GTF2E2: variants seen among roughly 807,000 people sequenced by gnomAD.
GTF2E2 encodes the protein general transcription factor IIE subunit 2.
In GTF2E2, 21 loss-of-function variants were observed where a neutral mutation model predicts 40.5. That is an observed-to-expected ratio of 0.52 (90% confidence interval 0.37 to 0.75). GTF2E2 has a LOEUF of 0.75. Ranked by LOEUF, GTF2E2 falls within the 30% of genes least tolerant of loss-of-function variation. The pLI, the probability that GTF2E2 is intolerant of heterozygous loss-of-function variation, is 0.00. For synonymous variants in GTF2E2, 117 were observed against 121.6 expected, an observed-to-expected ratio of 0.96 and a Z score of 0.25; for missense variants, 298 against 338.4, an observed-to-expected ratio of 0.88 and a Z score of 0.94.
At chr8:30,621,991 A>G (rs1328849386) in intron 3 of GTF2E2, among the ~76,000 whole-genome samples, 1 of 151,438 alleles carries the variant, frequency 6.6e-6, no homozygotes, top group Non-Finnish European at 1.5e-5. Flanking sequence ...TTTTTATTAT[A>G]CTTTAAAGTT....
chr8:30,580,244 G>T (rs1031677445), intron 7 of GTF2E2, 37 bp downstream of exon 7: 9 of 1,122,556 alleles, frequency 8.0e-6, no homozygotes, highest in Non-Finnish European at 1.2e-5. Context: ...CAGTTCCCAG[G>T]GCAGGGGATT....
At chr8:30,628,960 A>C (rs1262240595) in intron 3 of GTF2E2, among the ~76,000 whole-genome samples, 1 of 151,998 alleles carries the variant, frequency 6.6e-6, no homozygotes, top group Non-Finnish European at 1.5e-5. Context: ...TTTACCAGCA[A>C]CTTTTTCTAT....
chr8:30,607,679 T>C (rs1022761644), intron 5 of GTF2E2, among the ~76,000 whole-genome samples: 2 of 152,136 alleles, frequency 1.3e-5, no homozygotes, highest in Non-Finnish European at 1.5e-5. Context: ...AGAACAAAAA[T>C]AAAACGTGTT....
chr8:30,623,448 T>C (rs777780945), intron 3 of GTF2E2, among the ~76,000 whole-genome samples: 1 of 151,896 alleles, frequency 6.6e-6, no homozygotes, highest in Non-Finnish European at 1.5e-5. Flanking sequence ...TCTATCATTG[T>C]TGGACATTTG....
At chr8:30,622,667 C>T (rs949821177) in intron 3 of GTF2E2, among the ~76,000 whole-genome samples, 31 of 152,138 alleles carry the variant, frequency 2.0e-4, no homozygotes, top group Admixed American at 1.6e-3. Flanking sequence ...ATCCCTACAG[C>T]TCGACCATAG....
chr8:30,619,089 G>A (rs1392097393), intron 3 of GTF2E2, among the ~76,000 whole-genome samples: 1 of 151,882 alleles, frequency 6.6e-6, no homozygotes, highest in East Asian at 1.9e-4. Flanking sequence ...CTACAGGCAT[G>A]TGCCACCACA....
In GTF2E2 at chr8:30,635,056, A is replaced by G. The variant is rs1288777458; in HGVS notation, c.234T>C (p.Leu78=). 1.2e-6 allele frequency: 2 copies of G among 1,601,528 alleles called. No individual in the cohort carries two copies. The highest frequency in any genetic ancestry group is 3.3e-5 in the Admixed American group (2 of 59,812). The change falls in exon 3 of 8, where the codon CTT becomes CTC. Residue 78 remains leucine, a synonymous_variant. Coordinates refer to ENST00000355904, the MANE Select transcript of GTF2E2 (RefSeq NM_002095.6). ...CCTTCATGTAATTCACAATCTTAGC[A>G]AGAACACCAAACTTATATCCAGAGC... ...SGSSGYKFGV[L]AKIVNYMKTR...
intron 2 of GTF2E2, among the ~76,000 whole-genome samples, chr8:30,638,794 T>C (rs1585994151): frequency 1.3e-5 from 2 of 152,232 alleles, no homozygotes; most frequent in South Asian, 2.1e-4. Flanking sequence ...GATTTTATTA[T>C]GAAAATATGA....
intron 6 of GTF2E2, among the ~76,000 whole-genome samples, chr8:30,606,651 A>G (rs569472571): frequency 2.0e-5 from 3 of 152,320 alleles, no homozygotes; most frequent in Admixed American, 2.0e-4. Flanking sequence ...TCCTTATTCA[A>G]TTTGATAACT....
rs1398541339 is a variant in GTF2E2, at chr8:30,599,339, G to A, written c.643+7718C>T. ...CGCCTGTTATCCCAGCACTTTGGGC[G>A]GCTGAGGCAGGCAAATCACTTGAGG... is the stretch of plus-strand genomic sequence containing the variant. On this transcript the variant is annotated intron_variant, in intron 6 of 7. Coordinates refer to ENST00000355904, the MANE Select transcript of GTF2E2 (RefSeq NM_002095.6). Among the ~76,000 whole-genome samples, 13 of 152,140 alleles carry A rather than the reference G, an allele frequency of 8.5e-5. No individual in the cohort carries two copies. In the East Asian group the frequency reaches 1.9e-3, roughly 23 times the overall value.
At chr8:30,579,253 AG>A (rs1404664479) in intron 7 of GTF2E2, among the ~76,000 whole-genome samples, 1 of 152,176 alleles carries the variant, frequency 6.6e-6, no homozygotes, top group African/African-American at 2.4e-5. Context: ...TCGGGAATGA[AG>A]GAGCAGGCAC....
At chr8:30,655,827 A>AGACAGAGTCTCGCTCTGCCGCCCAGGCT (rs1172388240) in intron 1 of GTF2E2, among the ~76,000 whole-genome samples, 1 of 151,564 alleles carries the variant, frequency 6.6e-6, no homozygotes, top group Non-Finnish European at 1.5e-5. Context: ...TTTTTTTTTG[A>AGACAGAGTCTCGCTCTGCCGCCCAGGCT]GACAGAGTCT....
chr8:30,593,128 T>G (rs190465012), intron 6 of GTF2E2, among the ~76,000 whole-genome samples: 5 of 151,976 alleles, frequency 3.3e-5, no homozygotes, highest in Admixed American at 6.5e-5. Context: ...CGGGAGGAGG[T>G]TGCAGTGAGC....
chr8:30,590,250 T>C (rs1828806394), intron 6 of GTF2E2, among the ~76,000 whole-genome samples: 1 of 152,246 alleles, frequency 6.6e-6, no homozygotes, highest in Admixed American at 6.5e-5. Context: ...TCATCCATGT[T>C]GTTGGAATGT....
At chr8:30,605,737 C>T (rs746287382) in intron 6 of GTF2E2, among the ~76,000 whole-genome samples, 3 of 151,952 alleles carry the variant, frequency 2.0e-5, no homozygotes, top group African/African-American at 4.8e-5. Flanking sequence ...ATCAGCTCAC[C>T]GTAACCTCTA....
At chr8:30,596,866 T>A (rs1470096431) in intron 6 of GTF2E2, 1 of 152,268 alleles carries the variant, frequency 6.6e-6, no homozygotes, top group Non-Finnish European at 1.5e-5. Flanking sequence ...GCTGCCATGG[T>A]TACCCACAAT....
chr8:30,610,045 T>C (rs1169081456), intron 5 of GTF2E2, among the ~76,000 whole-genome samples: 1 of 152,212 alleles, frequency 6.6e-6, no homozygotes, highest in Non-Finnish European at 1.5e-5. Context: ...GTCTCAAGCA[T>C]TCCTTTATAG....
At chr8:30,650,082 A>G (rs984326133) in intron 2 of GTF2E2, among the ~76,000 whole-genome samples, 1 of 152,198 alleles carries the variant, frequency 6.6e-6, no homozygotes, top group Non-Finnish European at 1.5e-5. Context: ...GGAGCACTTC[A>G]CAAATCGTTT....
chr8:30,592,983 T>C (rs781497160), intron 6 of GTF2E2, among the ~76,000 whole-genome samples: 6 of 152,148 alleles, frequency 3.9e-5, no homozygotes, highest in Non-Finnish European at 8.8e-5. Context: ...GGCGGGTCAC[T>C]TGAAGCCAGG....
Sources: gnomAD v4.1 joint callset for allele counts (sites outside exome capture counted in the v4.1 genomes callset) on GRCh38, gnomAD v4.1.1 for gene constraint, MANE v1.5 for transcripts, NCBI Gene and HGNC (gene_info 2026-07-23, HGNC 2026-07-21) for gene names.